Variants in LTBP1 observed in about 807,000 individuals in gnomAD.
LTBP1 encodes latent transforming growth factor beta binding protein 1, also known as latent-transforming growth factor beta-binding protein 1.
LTBP1 carries 129 observed loss-of-function variants against 207.6 expected under a neutral mutation model. That is an observed-to-expected ratio of 0.62 (90% CI 0.54 to 0.72). The LOEUF (loss-of-function observed/expected upper bound fraction) is 0.72, where lower values mean the gene tolerates loss of function less well. Ranked by LOEUF, LTBP1 falls within the 30% of genes least tolerant of loss-of-function variation. The pLI is 0.00. For synonymous variants in LTBP1, 963 were observed against 833.7 expected, an observed-to-expected ratio of 1.16 and a Z score of -2.67; for missense variants, 2,281 against 2,217.2, an observed-to-expected ratio of 1.03 and a Z score of -0.58.
intron 31 of LTBP1, 125 bp downstream of exon 31, chr2:33,365,628 T>TGTGTGA: frequency 4.9e-6 from 2 of 412,136 alleles, no homozygotes; most frequent in East Asian, 6.2e-5. Context: ...TTTCATCCCG[T>TGTGTGA]GTGTGTGTGT....
At chr2:33,115,037 T>C (rs218187) in intron 4 of LTBP1, among the ~76,000 whole-genome samples, 5,238 of 145,170 alleles carry the variant, frequency 0.036, 114 homozygotes, top group Non-Finnish European at 0.046. Context: ...AACAGATATA[T>C]ACACACACAC....
chr2:33,349,403 G>A (rs2094749043), intron 26 of LTBP1, among the ~76,000 whole-genome samples: 2 of 151,644 alleles, frequency 1.3e-5, no homozygotes, highest in South Asian at 2.1e-4. Context: ...TCACACCACT[G>A]CACTCCAGCC....
chr2:33,280,344 G>T (rs2093535340), intron 19 of LTBP1, among the ~76,000 whole-genome samples, 186 bp downstream of exon 19: 1 of 152,134 alleles, frequency 6.6e-6, no homozygotes, highest in Admixed American at 6.5e-5. Flanking sequence ...CATAAAGGAT[G>T]TAAGATTCTC....
rs775400627 is a variant in LTBP1 at position 33,110,786 on chromosome 2, A to G, written c.1033+35A>G. 4 of 1,595,688 alleles carry G rather than the reference A, an allele frequency of 2.5e-6. No homozygotes were observed. In the South Asian group the frequency reaches 4.5e-5, roughly 18 times the overall value. On this transcript the variant is annotated intron_variant, in intron 4 of 33. Coordinates refer to ENST00000404816, the MANE Select transcript of LTBP1 (RefSeq NM_206943.4). ...GTCTTATCAACCATTTTCCCAAGTT[A>G]TGGTATCAGAGATTGGAAACACTTT...
chr2:33,132,754 G>A (rs933343904), intron 4 of LTBP1, among the ~76,000 whole-genome samples: 1 of 152,156 alleles, frequency 6.6e-6, no homozygotes, highest in Non-Finnish European at 1.5e-5. Context: ...AGAATGGAGG[G>A]CTTTCTCCTC....
At position 32,971,503 on chromosome 2, in the gene LTBP1, A is replaced by C. The variant is rs532504746; in HGVS notation, c.565+22558A>C. On this transcript the variant is annotated intron_variant, in intron 2 of 33. Transcript: ENST00000404816. ...TATTGAGGGTTTTTTTCAAACATGA[A>C]GGATATTGATTGTTATCAAAAGCCT... 4.6e-4 allele frequency among the ~76,000 whole-genome samples: 70 copies of C among 152,160 alleles called. 2 individuals carry two copies. The highest frequency in any genetic ancestry group is 6.8e-3 in the Middle Eastern group (2 of 294).
At chr2:33,343,999 A>T (rs1421252882) in intron 25 of LTBP1, among the ~76,000 whole-genome samples, 1 of 152,212 alleles carries the variant, frequency 6.6e-6, no homozygotes, top group Non-Finnish European at 1.5e-5. Context: ...GTGGAACTTG[A>T]GGAGTCTATT....
chr2:33,149,228 CAAAAAAAAAAAAAAA>C (rs58303103), intron 5 of LTBP1, among the ~76,000 whole-genome samples: 1 of 82,784 alleles, frequency 1.2e-5, no homozygotes, highest in Non-Finnish European at 2.2e-5. Flanking sequence ...CACAAAAAAA[CAAAAAAAAAAAAAAA>C]AAAAAAAAAA....
chr2:33,287,917 T>C (rs1207973035), intron 19 of LTBP1, among the ~76,000 whole-genome samples: 1 of 152,202 alleles, frequency 6.6e-6, no homozygotes, highest in Non-Finnish European at 1.5e-5. Context: ...CCATGCTTGC[T>C]TTTCTGCCAA....
chr2:32,964,542 A>AT (rs549722429), intron 2 of LTBP1, among the ~76,000 whole-genome samples: 13 of 151,648 alleles, frequency 8.6e-5, no homozygotes, highest in African/African-American at 2.2e-4. Flanking sequence ...AAGTAAATAG[A>AT]TTTTTTTTTC....
chr2:33,244,905 T>A (rs1028310186), intron 10 of LTBP1, among the ~76,000 whole-genome samples: 13 of 152,062 alleles, frequency 8.5e-5, no homozygotes, highest in Non-Finnish European at 1.6e-4. Context: ...TGAGACAGAG[T>A]TTCACTTTTG....
intron 13 of LTBP1, among the ~76,000 whole-genome samples, chr2:33,262,149 A>G (rs947136384): frequency 9.9e-5 from 15 of 152,196 alleles, no homozygotes; most frequent in African/African-American, 3.1e-4. Context: ...AAGCCAGCAC[A>G]TTTCTGTTGC....
intron 11 of LTBP1, among the ~76,000 whole-genome samples, chr2:33,254,311 T>A (rs2092766982): frequency 6.6e-6 from 1 of 152,046 alleles, no homozygotes. Context: ...TTAATTTTTT[T>A]AAATTTTTTA....
intron 10 of LTBP1, among the ~76,000 whole-genome samples, chr2:33,245,071 G>C (rs1324305511): frequency 6.6e-6 from 1 of 152,038 alleles, no homozygotes; most frequent in Non-Finnish European, 1.5e-5. Context: ...GTAGAGACAG[G>C]GTTTTGCCAT....
chr2:33,083,949 A>G (rs145847157), intron 3 of LTBP1, among the ~76,000 whole-genome samples: 161 of 152,312 alleles, frequency 1.1e-3, no homozygotes, highest in African/African-American at 3.8e-3. Flanking sequence ...CTGAAAGAGG[A>G]AGCTACTCTA....
chr2:33,307,914 T>C (rs2094123988), intron 22 of LTBP1, among the ~76,000 whole-genome samples: 1 of 152,194 alleles, frequency 6.6e-6, no homozygotes, highest in South Asian at 2.1e-4. Flanking sequence ...ATTGGTTGAT[T>C]GGATTCTAGG....
intron 20 of LTBP1, among the ~76,000 whole-genome samples, chr2:33,298,709 A>G (rs551994083): frequency 2.0e-5 from 3 of 152,350 alleles, no homozygotes; most frequent in African/African-American, 7.2e-5. Flanking sequence ...TGGACAGACA[A>G]TATTGGCAGC....
chr2:33,071,285 G>T (rs1210861068), intron 3 of LTBP1, among the ~76,000 whole-genome samples: 4 of 152,240 alleles, frequency 2.6e-5, no homozygotes, highest in Admixed American at 6.5e-5. Flanking sequence ...CCATAGGACA[G>T]CTAGCTTGCC....
intron 4 of LTBP1, among the ~76,000 whole-genome samples, chr2:33,114,534 C>A (rs140028065): frequency 6.6e-6 from 1 of 152,314 alleles, no homozygotes; most frequent in African/African-American, 2.4e-5. Flanking sequence ...CTGCTTCTAG[C>A]AGCTGTCCTT....
Sources: allele counts gnomAD v4.1 joint callset (sites outside exome capture counted in the v4.1 genomes callset), GRCh38; gene constraint gnomAD v4.1.1; transcripts MANE v1.5; gene names NCBI Gene and HGNC (gene_info 2026-07-23, HGNC 2026-07-21).